The following TCF12 variants were observed in gnomAD, a reference collection of about 807,000 sequenced individuals.
TCF12 encodes the protein DNA-binding protein HTF4.
Under a neutral mutation model 86.0 loss-of-function variants are expected in TCF12, and 45 were observed. The observed-to-expected ratio is 0.52, with a 90% CI of 0.41 to 0.67. The LOEUF (loss-of-function observed/expected upper bound fraction) is 0.67, where lower values mean the gene tolerates loss of function less well. Ranked by LOEUF, TCF12 falls within the 30% of genes least tolerant of loss-of-function variation. The pLI is 0.00. For synonymous variants in TCF12, 330 were observed against 299.6 expected, an observed-to-expected ratio of 1.10 and a Z score of -1.05; for missense variants, 881 against 859.9, an observed-to-expected ratio of 1.02 and a Z score of -0.31.
chr15:57,047,184 A>G (rs2067288590), intron 3 of TCF12, among the ~76,000 whole-genome samples: 1 of 152,200 alleles, frequency 6.6e-6, no homozygotes, highest in African/African-American at 2.4e-5. Flanking sequence ...TGCTTTTTCT[A>G]ACGGGTTTTA....
At chr15:57,020,258 CCTG>C (rs2065396262) in intron 3 of TCF12, among the ~76,000 whole-genome samples, 1 of 152,130 alleles carries the variant, frequency 6.6e-6, no homozygotes, top group Admixed American at 6.6e-5. Context: ...GAGTGGTGAA[CCTG>C]CTAATAATTG....
chr15:57,264,724 C>T (rs2440969), intron 18 of TCF12, among the ~76,000 whole-genome samples: 1 of 151,978 alleles, frequency 6.6e-6, no homozygotes, highest in Non-Finnish European at 1.5e-5. Flanking sequence ...GTAACAAAGC[C>T]TTCTTCTGGA....
chr15:57,232,256 C>T, intron 9 of TCF12, 35 bp from the exon 10 acceptor site: 1 of 1,609,812 alleles, frequency 6.2e-7, no homozygotes, highest in South Asian at 1.1e-5. Flanking sequence ...AAATTTTTAG[C>T]TAAGGAAAAT....
chr15:57,065,733 C>T (rs2068819999), intron 4 of TCF12, among the ~76,000 whole-genome samples: 1 of 147,352 alleles, frequency 6.8e-6, no homozygotes. Flanking sequence ...AGTTTACCTT[C>T]AGACATGAAA....
chr15:57,192,388 T>C (rs1478650451), intron 7 of TCF12, 95 bp downstream of exon 7: 93 of 1,441,462 alleles, frequency 6.5e-5, no homozygotes, highest in Non-Finnish European at 8.0e-5. Flanking sequence ...TTTTTTTTTT[T>C]CTTTCCGTTT....
chr15:57,156,148 G>A (rs1380937457), intron 5 of TCF12, among the ~76,000 whole-genome samples: 1 of 152,162 alleles, frequency 6.6e-6, no homozygotes, highest in Non-Finnish European at 1.5e-5. Flanking sequence ...TTTTATAACT[G>A]TACATCATCT....
At chr15:56,957,139 A>G (rs1234330316) in intron 3 of TCF12, among the ~76,000 whole-genome samples, 2 of 152,212 alleles carry the variant, frequency 1.3e-5, no homozygotes, top group African/African-American at 4.8e-5. Context: ...GGCCCTCGCC[A>G]GATTCTGGCT....
intron 5 of TCF12, among the ~76,000 whole-genome samples, chr15:57,159,768 A>G (rs1349924505): frequency 6.6e-6 from 1 of 152,244 alleles, no homozygotes; most frequent in African/African-American, 2.4e-5. Context: ...CTGAATTCAA[A>G]TTTATGAATG....
At chr15:57,022,840 G>A (rs535966141) in intron 3 of TCF12, among the ~76,000 whole-genome samples, 13 of 152,070 alleles carry the variant, frequency 8.5e-5, no homozygotes, top group South Asian at 6.2e-4. Flanking sequence ...ATTTTTTCAC[G>A]TGGTCAGACA....
chr15:57,137,332 A>G (rs1596745468), intron 5 of TCF12, among the ~76,000 whole-genome samples: 1 of 152,096 alleles, frequency 6.6e-6, no homozygotes, highest in South Asian at 2.1e-4. Context: ...AATAAAACAC[A>G]TTTTTCCCCA....
intron 3 of TCF12, among the ~76,000 whole-genome samples, chr15:56,997,633 A>G (rs1360198453): frequency 6.6e-6 from 1 of 152,234 alleles, no homozygotes; most frequent in African/African-American, 2.4e-5. Context: ...TAAAAGTTAA[A>G]AAATATTCAA....
intron 3 of TCF12, among the ~76,000 whole-genome samples, chr15:56,984,348 C>T (rs887047625): frequency 6.8e-5 from 10 of 146,882 alleles, no homozygotes; most frequent in Non-Finnish European, 8.9e-5. Flanking sequence ...AGTGGTTAAC[C>T]GGGCCTGTTA....
chr15:56,994,140 G>GA (rs1415687512), intron 3 of TCF12, among the ~76,000 whole-genome samples: 6 of 152,058 alleles, frequency 3.9e-5, no homozygotes, highest in South Asian at 2.1e-4. Flanking sequence ...GTAATGGCAG[G>GA]AAAAAAATCA....
At chr15:56,959,566 A>G (rs969300280) in intron 3 of TCF12, among the ~76,000 whole-genome samples, 1 of 152,238 alleles carries the variant, frequency 6.6e-6, no homozygotes, top group Non-Finnish European at 1.5e-5. Context: ...TGAAGCAATA[A>G]TTCAGTTTTT....
At chr15:57,254,046 A>C (rs192421722) in intron 16 of TCF12, among the ~76,000 whole-genome samples, 1 of 152,202 alleles carries the variant, frequency 6.6e-6, no homozygotes, top group Non-Finnish European at 1.5e-5. Flanking sequence ...ACAGCCATAC[A>C]CATCAAAAAT....
intron 8 of TCF12, among the ~76,000 whole-genome samples, chr15:57,200,398 AT>A (rs1233338806): frequency 6.6e-6 from 1 of 152,188 alleles, no homozygotes; most frequent in Non-Finnish European, 1.5e-5. Context: ...ATTGAAAAAT[AT>A]GCAAACTATA....
rs575147269 is a variant in TCF12, at chr15:57,230,055, T to G, written c.580-1097T>G. Among the ~76,000 whole-genome samples, 3 of 152,078 alleles carry G rather than the reference T, an allele frequency of 2.0e-5. No individual in the cohort carries two copies. The South Asian group carries it at 6.2e-4, about 31-fold the overall frequency. The stretch of plus-strand genomic sequence containing the variant: ...TGTAGAAGAACATAAAGTAAAAGTC[T>G]TCCTTCCCAATTCGAAGTCCAAAGA... On this transcript the variant is annotated intron_variant, in intron 8 of 20. Coordinates refer to ENST00000333725, the MANE Select transcript of TCF12 (RefSeq NM_207037.2).
At chr15:57,114,183 A>G (rs889175291) in intron 5 of TCF12, among the ~76,000 whole-genome samples, 20 of 152,268 alleles carry the variant, frequency 1.3e-4, no homozygotes, top group Middle Eastern at 6.8e-3. Context: ...AGCATATTAC[A>G]TGTTCTGTTT....
chr15:57,243,357 C>A, intron 12 of TCF12, 115 bp from the exon 13 acceptor site: 2 of 795,904 alleles, frequency 2.5e-6, no homozygotes, highest in Non-Finnish European at 3.9e-6. Context: ...GAAATTTTTT[C>A]ACTCTGAAGT....
Sources: gnomAD v4.1 joint callset for allele counts (sites outside exome capture counted in the v4.1 genomes callset) on GRCh38, gnomAD v4.1.1 for gene constraint, MANE v1.5 for transcripts, NCBI Gene and HGNC (gene_info 2026-07-23, HGNC 2026-07-21) for gene names.